Variants in CACNA2D1 observed in about 807,000 individuals in gnomAD.
CACNA2D1 encodes calcium voltage-gated channel auxiliary subunit alpha2delta 1, also known as voltage-dependent calcium channel subunit alpha-2/delta-1.
In CACNA2D1, 53 loss-of-function variants were observed where a neutral mutation model predicts 171.5. That is an observed-to-expected ratio of 0.31 (90% confidence interval 0.25 to 0.39). The LOEUF is 0.39. Among genes scored for constraint, CACNA2D1 ranks in the 10% least tolerant of loss-of-function variants. The pLI, the probability that CACNA2D1 is intolerant of heterozygous loss-of-function variation, is 1.00. For synonymous variants in CACNA2D1, 442 were observed against 443.1 expected, an observed-to-expected ratio of 1.00 and a Z score of 0.03; for missense variants, 903 against 1,299.8, an observed-to-expected ratio of 0.69 and a Z score of 4.69.
intron 3 of CACNA2D1, among the ~76,000 whole-genome samples, chr7:82,235,789 TA>T (rs1339079128): frequency 6.6e-6 from 1 of 152,086 alleles, no homozygotes; most frequent in East Asian, 1.9e-4. Context: ...GGCTTTGAGA[TA>T]ACATTATGAC....
intron 3 of CACNA2D1, among the ~76,000 whole-genome samples, chr7:82,266,038 G>A (rs1807798322): frequency 6.6e-6 from 1 of 152,048 alleles, no homozygotes; most frequent in Admixed American, 6.6e-5. Flanking sequence ...AAATTTATTT[G>A]TGTATATGCA....
chr7:82,081,676 T>C lies in CACNA2D1; in HGVS notation c.658+3093A>G, dbSNP rs569463431. ...TTTTGGAAAGACTAGTGCAGGACTT[T>C]TCTTGGTCACTTTGCCAGCCAGAGA... On this transcript the variant is annotated intron_variant, in intron 7 of 38. Transcript: ENST00000356860. 2.0e-5 allele frequency among the ~76,000 whole-genome samples: 3 copies of C among 152,282 alleles called. No homozygotes were observed. The South Asian group carries it at 6.2e-4, about 32-fold the overall frequency.
At chr7:82,168,295 C>T (rs1795673552) in intron 4 of CACNA2D1, among the ~76,000 whole-genome samples, 2 of 151,990 alleles carry the variant, frequency 1.3e-5, no homozygotes, top group African/African-American at 2.4e-5. Flanking sequence ...AGGCATGCAC[C>T]ACCACGCACA....
intron 3 of CACNA2D1, among the ~76,000 whole-genome samples, chr7:82,311,382 A>C (rs1221378102): frequency 6.6e-6 from 1 of 152,038 alleles, no homozygotes; most frequent in Non-Finnish European, 1.5e-5. Context: ...GAAAAAAAAA[A>C]CTAGACTCAT....
At chr7:82,399,300 C>G (rs1370200648) in intron 1 of CACNA2D1, among the ~76,000 whole-genome samples, 2 of 151,916 alleles carry the variant, frequency 1.3e-5, no homozygotes, top group Admixed American at 6.6e-5. Context: ...ATTAGCCAGG[C>G]GTGGTGGGGG....
intron 32 of CACNA2D1, 65 bp from the exon 33 acceptor site, chr7:81,964,424 A>G (rs1465401927): frequency 8.0e-7 from 1 of 1,251,670 alleles, no homozygotes; most frequent in Admixed American, 1.8e-5. Context: ...GAACACGGGA[A>G]TCACCACTAC....
chr7:82,346,880 T>C (rs546627040), intron 2 of CACNA2D1, among the ~76,000 whole-genome samples: 1 of 152,324 alleles, frequency 6.6e-6, no homozygotes, highest in Admixed American at 6.5e-5. Context: ...TATTAACATA[T>C]GTTCTAAAGC....
chr7:82,049,241 G>A (rs1804921554), intron 10 of CACNA2D1, among the ~76,000 whole-genome samples: 1 of 149,578 alleles, frequency 6.7e-6, no homozygotes, highest in African/African-American at 2.5e-5. Flanking sequence ...ATTTCTTTAT[G>A]TCTTTTAAAT....
intron 4 of CACNA2D1, among the ~76,000 whole-genome samples, chr7:82,152,746 T>A (rs1473566546): frequency 6.6e-6 from 1 of 151,856 alleles, no homozygotes; most frequent in Non-Finnish European, 1.5e-5. Flanking sequence ...CCTTAGAAAA[T>A]GTAATTACCC....
chr7:82,155,840 A>G (rs1794327081), intron 4 of CACNA2D1, among the ~76,000 whole-genome samples: 1 of 152,208 alleles, frequency 6.6e-6, no homozygotes, highest in African/African-American at 2.4e-5. Flanking sequence ...TATTTTGCAA[A>G]GAGCAGCTGA....
intron 3 of CACNA2D1, among the ~76,000 whole-genome samples, chr7:82,184,248 C>T (rs956694047): frequency 2.3e-4 from 34 of 150,336 alleles, no homozygotes; most frequent in African/African-American, 8.3e-4. Flanking sequence ...ACTATATGCC[C>T]CTCTCACTTT....
At chr7:82,280,105 A>G (rs970467363) in intron 3 of CACNA2D1, among the ~76,000 whole-genome samples, 1 of 150,572 alleles carries the variant, frequency 6.6e-6, no homozygotes, top group Non-Finnish European at 1.5e-5. Context: ...GTGAATCAAA[A>G]AGAAGGACTA....
intron 1 of CACNA2D1, among the ~76,000 whole-genome samples, chr7:82,415,590 T>C (rs1018181135): frequency 1.3e-5 from 2 of 151,976 alleles, no homozygotes; most frequent in East Asian, 1.9e-4. Flanking sequence ...ACAGGCAACA[T>C]TGCATGTATT....
chr7:82,401,019 C>G (rs1167547514), intron 1 of CACNA2D1, among the ~76,000 whole-genome samples: 3 of 152,128 alleles, frequency 2.0e-5, no homozygotes, highest in African/African-American at 7.2e-5. Context: ...CCATCTCACA[C>G]CAGTTAGAAT....
At chr7:82,320,970 T>C (rs144191884) in intron 3 of CACNA2D1, among the ~76,000 whole-genome samples, 26 of 152,274 alleles carry the variant, frequency 1.7e-4, no homozygotes, top group Admixed American at 1.7e-3. Context: ...CAAAAACTTA[T>C]ATAAAGATTT....
intron 3 of CACNA2D1, among the ~76,000 whole-genome samples, chr7:82,203,698 T>G (rs933760962): frequency 3.9e-5 from 6 of 152,136 alleles, no homozygotes; most frequent in Admixed American, 3.9e-4. Flanking sequence ...ATGGAGTGCT[T>G]GAGAACACCA....
chr7:82,127,992 C>T (rs1790529729), intron 5 of CACNA2D1, among the ~76,000 whole-genome samples: 1 of 152,066 alleles, frequency 6.6e-6, no homozygotes, highest in Admixed American at 6.6e-5. Flanking sequence ...GGCACAATAT[C>T]AGCTCACTGC....
Position 81,949,267 on chromosome 7 carries a change from AAAATTCATT to A in CACNA2D1, c.*1116_*1124del, listed in dbSNP as rs1792284434. The A allele has an allele frequency of 6.6e-6, 1 of 152,102 alleles. No individual in the cohort carries two copies. Among genetic ancestry groups the A allele is most frequent in the African/African-American group, 2.4e-5 (1 of 41,458 alleles). 9.4% of individuals were successfully genotyped at this position (152,102 alleles called of 1,614,324 possible). Reference sequence around the variant, plus strand: ...ATCAGGCGAAAGCATGAATCTGTATAAAATTCATTAATTCTCATTTCACCATTTATCTAA... The same window carrying A: ...ATCAGGCGAAAGCATGAATCTGTATAAATTCTCATTTCACCATTTATCTAA... On this transcript the variant is annotated 3_prime_UTR_variant, in exon 39 of 39. Transcript: ENST00000356860.
At chr7:82,320,004 A>C (rs1291867325) in intron 3 of CACNA2D1, among the ~76,000 whole-genome samples, 1 of 152,134 alleles carries the variant, frequency 6.6e-6, no homozygotes, top group Non-Finnish European at 1.5e-5. Flanking sequence ...CTGTGGCTGG[A>C]TAATACATGC....
Sources: gnomAD v4.1 joint callset for allele counts (sites outside exome capture counted in the v4.1 genomes callset) on GRCh38, gnomAD v4.1.1 for gene constraint, MANE v1.5 for transcripts, NCBI Gene and HGNC (gene_info 2026-07-23, HGNC 2026-07-21) for gene names.